NRXN1: variants seen among roughly 807,000 people sequenced by gnomAD.
The protein encoded by NRXN1 is neurexin 1, also known as neurexin-1.
A neutral mutation model predicts 150.9 loss-of-function variants in NRXN1; 39 were observed. The observed-to-expected ratio is 0.26, with a 90% confidence interval of 0.20 to 0.34. The LOEUF (loss-of-function observed/expected upper bound fraction) is 0.34, where lower values mean the gene tolerates loss of function less well. NRXN1 is among the 10% of genes least tolerant of loss of function. The probability of loss-of-function intolerance (pLI) is 1.00; values close to 1 mark genes in which losing one functional copy is unlikely to be tolerated. For missense variants in NRXN1, 1,815 were observed against 1,949.9 expected, an observed-to-expected ratio of 0.93 and a Z score of 1.30; for synonymous variants, 924 against 757.0, an observed-to-expected ratio of 1.22 and a Z score of -3.62.
At chr2:50,659,612 T>C (rs1256773766) in intron 5 of NRXN1, among the ~76,000 whole-genome samples, 1 of 151,946 alleles carries the variant, frequency 6.6e-6, no homozygotes, top group Non-Finnish European at 1.5e-5. Flanking sequence ...TATACTTCTA[T>C]AAATGCCACA....
chr2:50,367,979 T>C (rs1368533143), intron 17 of NRXN1, among the ~76,000 whole-genome samples: 1 of 151,976 alleles, frequency 6.6e-6, no homozygotes, highest in East Asian at 1.9e-4. Context: ...CACCACACCG[T>C]GATTAAATGT....
chr2:50,792,918 T>C (rs569288562), intron 5 of NRXN1, among the ~76,000 whole-genome samples: 1 of 152,214 alleles, frequency 6.6e-6, no homozygotes, highest in South Asian at 2.1e-4. Flanking sequence ...GAATTGAGAT[T>C]TGAGCACTGA....
At chr2:50,956,757 A>G (rs1459136535) in intron 2 of NRXN1, among the ~76,000 whole-genome samples, 1 of 151,914 alleles carries the variant, frequency 6.6e-6, no homozygotes, top group Non-Finnish European at 1.5e-5. Flanking sequence ...AATTTAAAAA[A>G]TAAAAAGCAA....
intron 2 of NRXN1, among the ~76,000 whole-genome samples, chr2:50,952,130 C>G: frequency 6.6e-6 from 1 of 150,984 alleles, no homozygotes; most frequent in African/African-American, 2.4e-5. Context: ...CTACGCCCAG[C>G]TAATTTTTTG....
At chr2:50,584,081 C>T (rs369220988) in intron 8 of NRXN1, among the ~76,000 whole-genome samples, 13 of 152,230 alleles carry the variant, frequency 8.5e-5, no homozygotes, top group African/African-American at 2.6e-4. Flanking sequence ...TGCATTAATA[C>T]GTCCTTGAAA....
intron 5 of NRXN1, among the ~76,000 whole-genome samples, chr2:50,865,969 C>T (rs1280220850): frequency 1.3e-5 from 2 of 151,342 alleles, no homozygotes; most frequent in South Asian, 2.1e-4. Context: ...ACAACAAGGA[C>T]AAAAAAACGA....
At chr2:50,279,469 C>T (rs1440528966) in intron 17 of NRXN1, among the ~76,000 whole-genome samples, 1 of 152,132 alleles carries the variant, frequency 6.6e-6, no homozygotes, top group Non-Finnish European at 1.5e-5. Context: ...CATTTGGCCT[C>T]CTTTTTCACC....
chr2:50,451,654 A>C (rs944973055), intron 17 of NRXN1, among the ~76,000 whole-genome samples: 1 of 152,228 alleles, frequency 6.6e-6, no homozygotes, highest in Admixed American at 6.5e-5. Flanking sequence ...GAATGCAGAT[A>C]ACTCTTCTCA....
intron 17 of NRXN1, among the ~76,000 whole-genome samples, chr2:50,366,260 G>T (rs2079576409): frequency 1.3e-5 from 2 of 149,852 alleles, no homozygotes; most frequent in African/African-American, 2.5e-5. Flanking sequence ...GAAATAATTT[G>T]TAATAAGACT....
chr2:50,798,608 C>A (rs1333847017), intron 5 of NRXN1, among the ~76,000 whole-genome samples: 2 of 152,136 alleles, frequency 1.3e-5, no homozygotes, highest in Non-Finnish European at 1.5e-5. Context: ...AGAACATTCT[C>A]CCTGCAATAT....
intron 17 of NRXN1, among the ~76,000 whole-genome samples, chr2:50,306,297 G>A (rs576699638): frequency 1.3e-4 from 20 of 152,280 alleles, no homozygotes; most frequent in Non-Finnish European, 2.5e-4. Context: ...TAATAAAATA[G>A]ATGACTTATT....
chr2:50,005,190 G>C (rs1277931309), intron 21 of NRXN1, among the ~76,000 whole-genome samples: 1 of 152,050 alleles, frequency 6.6e-6, no homozygotes, highest in Non-Finnish European at 1.5e-5. Flanking sequence ...TCAAGTGCCA[G>C]GCAAAAATAA....
intron 8 of NRXN1, among the ~76,000 whole-genome samples, chr2:50,575,307 G>A (rs1187607911): frequency 6.6e-6 from 1 of 152,138 alleles, no homozygotes; most frequent in African/African-American, 2.4e-5. Flanking sequence ...GCATTGCTGT[G>A]CAATCAGCCC....
At chr2:50,718,450 T>C (rs1296471297) in intron 5 of NRXN1, among the ~76,000 whole-genome samples, 1 of 152,154 alleles carries the variant, frequency 6.6e-6, no homozygotes, top group East Asian at 1.9e-4. Flanking sequence ...TGTAAACTGT[T>C]TACAGTTATA....
At chr2:50,721,218 G>T (rs1206233351) in intron 5 of NRXN1, among the ~76,000 whole-genome samples, 2 of 152,016 alleles carry the variant, frequency 1.3e-5, no homozygotes, top group African/African-American at 4.8e-5. Flanking sequence ...CACAGAGCAG[G>T]GTGCCCTAAG....
intron 5 of NRXN1, among the ~76,000 whole-genome samples, chr2:50,765,641 G>T (rs771564595): frequency 6.6e-6 from 1 of 151,962 alleles, no homozygotes; most frequent in African/African-American, 2.4e-5. Context: ...TCTACATGCC[G>T]CAACATAGTC....
chr2:50,302,079 A>T (rs1032342510), intron 17 of NRXN1, among the ~76,000 whole-genome samples: 4 of 150,272 alleles, frequency 2.7e-5, no homozygotes, highest in Non-Finnish European at 5.9e-5. Context: ...AAGAACCAGA[A>T]GTTGTTGGGG....
chr2:50,128,760 A>G (rs1704993474), intron 18 of NRXN1, among the ~76,000 whole-genome samples: 1 of 152,038 alleles, frequency 6.6e-6, no homozygotes, highest in South Asian at 2.1e-4. Flanking sequence ...AGGGGGGTGG[A>G]TCGCCTGAGA....
chr2:50,981,819 A>ATGTGTG (rs57306719), intron 2 of NRXN1, among the ~76,000 whole-genome samples: 3 of 149,128 alleles, frequency 2.0e-5, no homozygotes, highest in African/African-American at 7.4e-5. Context: ...TGAATAAACA[A>ATGTGTG]TGTGTGTGTG....
Sources: allele counts gnomAD v4.1 joint callset (sites outside exome capture counted in the v4.1 genomes callset), GRCh38; gene constraint gnomAD v4.1.1; transcripts MANE v1.5; gene names NCBI Gene and HGNC (gene_info 2026-07-23, HGNC 2026-07-21).